Variants in NBEA observed in about 807,000 individuals in gnomAD.
The protein encoded by NBEA is neurobeachin.
A neutral mutation model predicts 343.4 loss-of-function variants in NBEA; 44 were observed. The ratio of observed to expected loss-of-function variants is 0.13; its 90% CI spans 0.10 to 0.16. The LOEUF is 0.16. Among genes scored for constraint, NBEA ranks in the 10% least tolerant of loss-of-function variants. NBEA has a pLI of 1.00. For synonymous variants in NBEA, 1,175 were observed against 1,238.7 expected, an observed-to-expected ratio of 0.95 and a Z score of 1.08; for missense variants, 2,555 against 3,631.3, an observed-to-expected ratio of 0.70 and a Z score of 7.62.
chr13:34,957,008 AATAT>A (rs138069841), intron 1 of NBEA, among the ~76,000 whole-genome samples: 1 of 150,450 alleles, frequency 6.6e-6, no homozygotes, highest in African/African-American at 2.4e-5. Context: ...TATCATGTGG[AATAT>A]ATATATATAT....
intron 55 of NBEA, among the ~76,000 whole-genome samples, chr13:35,660,923 C>T (rs1235554426): frequency 2.6e-5 from 4 of 152,130 alleles, no homozygotes; most frequent in African/African-American, 9.7e-5. Flanking sequence ...TAGTTCTCAC[C>T]TTGCAGGGCT....
At chr13:35,229,837 A>G (rs1173551229) in intron 33 of NBEA, among the ~76,000 whole-genome samples, 1 of 152,174 alleles carries the variant, frequency 6.6e-6, no homozygotes, top group East Asian at 1.9e-4. Context: ...TACAGCATTT[A>G]CAACCTTCTT....
intron 1 of NBEA, among the ~76,000 whole-genome samples, chr13:34,972,890 T>C (rs1407975932): frequency 6.6e-6 from 1 of 152,198 alleles, no homozygotes; most frequent in Non-Finnish European, 1.5e-5. Flanking sequence ...AGAAGTGATG[T>C]GATCATTTGG....
intron 36 of NBEA, among the ~76,000 whole-genome samples, chr13:35,342,472 T>C (rs1019762382): frequency 1.3e-5 from 2 of 152,084 alleles, no homozygotes; most frequent in Non-Finnish European, 2.9e-5. Context: ...ACTTACAATG[T>C]ATGCATGTCA....
chr13:35,037,017 T>A (rs1258933291), intron 1 of NBEA, among the ~76,000 whole-genome samples: 2 of 152,162 alleles, frequency 1.3e-5, no homozygotes, highest in Non-Finnish European at 2.9e-5. Context: ...TACCTCCTTT[T>A]AAAGGCCAGT....
chr13:35,646,632 C>G (rs2084248612), intron 51 of NBEA, among the ~76,000 whole-genome samples: 1 of 152,174 alleles, frequency 6.6e-6, no homozygotes. Flanking sequence ...GGCATAGAGA[C>G]ACACACTGAC....
chr13:35,479,742 C>A (rs924930397), intron 41 of NBEA, among the ~76,000 whole-genome samples: 11 of 152,012 alleles, frequency 7.2e-5, no homozygotes, highest in African/African-American at 2.7e-4. Flanking sequence ...CCAGTTATAC[C>A]AGTCTTGCAA....
chr13:35,625,657 T>C (rs2083197376), intron 48 of NBEA, among the ~76,000 whole-genome samples: 2 of 151,092 alleles, frequency 1.3e-5, no homozygotes, highest in South Asian at 2.1e-4. Context: ...AATATATAAA[T>C]CAACAATATA....
chr13:35,388,290 G>A (rs1196408649), intron 38 of NBEA, among the ~76,000 whole-genome samples: 1 of 152,096 alleles, frequency 6.6e-6, no homozygotes, highest in African/African-American at 2.4e-5. Context: ...GTTAAAATAT[G>A]TCTTGGAAAG....
intron 39 of NBEA, among the ~76,000 whole-genome samples, chr13:35,440,672 A>G (rs1323856062): frequency 1.3e-5 from 2 of 152,198 alleles, no homozygotes; most frequent in Non-Finnish European, 2.9e-5. Flanking sequence ...GCTGAAACAC[A>G]GTTGTGGCCC....
At chr13:35,322,069 G>C (rs2038189867) in intron 36 of NBEA, among the ~76,000 whole-genome samples, 1 of 152,068 alleles carries the variant, frequency 6.6e-6, no homozygotes, top group Admixed American at 6.5e-5. Context: ...AGACCACCTG[G>C]CTTCCTGGCT....
intron 38 of NBEA, among the ~76,000 whole-genome samples, chr13:35,359,070 G>A (rs1462682590): frequency 2.6e-5 from 4 of 152,154 alleles, no homozygotes; most frequent in Admixed American, 6.5e-5. Flanking sequence ...GTTCAATCAC[G>A]TTAAGGATTT....
intron 1 of NBEA, among the ~76,000 whole-genome samples, chr13:35,019,490 G>T (rs1235673166): frequency 6.6e-6 from 1 of 151,490 alleles, no homozygotes; most frequent in Non-Finnish European, 1.5e-5. Context: ...GTAGATACAG[G>T]GTCTCACCAT....
intron 34 of NBEA, among the ~76,000 whole-genome samples, chr13:35,249,542 TTAG>T (rs2031698511): frequency 6.6e-6 from 1 of 152,104 alleles, no homozygotes; most frequent in African/African-American, 2.4e-5. Context: ...CTTACACCTA[TTAG>T]GATGGCTGCT....
chr13:35,319,170 G>A (rs1396335701), intron 36 of NBEA, among the ~76,000 whole-genome samples: 1 of 151,948 alleles, frequency 6.6e-6, no homozygotes, highest in Admixed American at 6.6e-5. Context: ...TGCTTCTTTA[G>A]TTCTTTCAAT....
chr13:35,600,082 C>T (rs1359911), intron 47 of NBEA, among the ~76,000 whole-genome samples: 98,781 of 151,832 alleles, frequency 0.65, 33,309 homozygotes, highest in East Asian at 0.86. Flanking sequence ...CTCTGATTAG[C>T]AGCAATCATA....
intron 49 of NBEA, among the ~76,000 whole-genome samples, chr13:35,643,345 T>C (rs1487949644): frequency 3.9e-5 from 6 of 152,160 alleles, no homozygotes; most frequent in Admixed American, 2.6e-4. Flanking sequence ...TCATCGTCTT[T>C]ATTTTGGGGG....
intron 21 of NBEA, 134 bp from the exon 22 acceptor site, chr13:35,158,882 T>C: frequency 1.3e-6 from 1 of 758,062 alleles, no homozygotes. Context: ...GCTTTAGGAC[T>C]AACAAATGCC....
intron 41 of NBEA, among the ~76,000 whole-genome samples, chr13:35,507,023 C>G (rs1180316364): frequency 1.3e-5 from 2 of 152,124 alleles, no homozygotes; most frequent in Non-Finnish European, 2.9e-5. Flanking sequence ...TTCTTTCTTT[C>G]TTTGTCTTAA....
Sources: allele counts gnomAD v4.1 joint callset (sites outside exome capture counted in the v4.1 genomes callset), GRCh38; gene constraint gnomAD v4.1.1; transcripts MANE v1.5; gene names NCBI Gene and HGNC (gene_info 2026-07-23, HGNC 2026-07-21).